The following ANXA13 variants were observed in gnomAD, a reference collection of about 807,000 sequenced individuals.
The protein encoded by ANXA13 is annexin XIII.
ANXA13 carries 36 observed loss-of-function variants against 46.6 expected under a neutral mutation model. That is an observed-to-expected ratio of 0.77 (90% CI 0.59 to 1.02). ANXA13 has a LOEUF of 1.02. ANXA13 is among the 50% of genes least tolerant of loss of function. The pLI is 0.00. For missense variants in ANXA13, 417 were observed against 396.5 expected (o/e 1.05, Z -0.44); for synonymous variants, 163 against 152.9 (o/e 1.07, Z -0.49).
intron 10 of ANXA13, among the ~76,000 whole-genome samples, chr8:123,681,619 CTTTTTTT>C (rs5894670): frequency 3.7e-5 from 4 of 107,038 alleles, no homozygotes; most frequent in East Asian, 2.5e-4. Flanking sequence ...TCTTGAATTT[CTTTTTTT>C]TTTTTTTTTT....
At chr8:123,693,446 C>A in intron 7 of ANXA13, 148 bp from the exon 8 acceptor site, 1 of 741,066 alleles carries the variant, frequency 1.3e-6, no homozygotes, top group Non-Finnish European at 2.2e-6. Context: ...TTCTAACCCA[C>A]AAATGTATTT....
chr8:123,722,519 C>T (rs1381303400), intron 1 of ANXA13, among the ~76,000 whole-genome samples: 3 of 152,022 alleles, frequency 2.0e-5, no homozygotes, highest in South Asian at 2.1e-4. Context: ...TAAATATTCT[C>T]GATGATGAGA....
chr8:123,712,418 T>G, intron 2 of ANXA13: 1 of 516,502 alleles, frequency 1.9e-6, no homozygotes, highest in South Asian at 2.1e-5. Flanking sequence ...GCACTTCTCA[T>G]GAAGTTTCTC....
intron 9 of ANXA13, among the ~76,000 whole-genome samples, chr8:123,687,320 T>G (rs1473523674): frequency 6.6e-6 from 1 of 152,196 alleles, no homozygotes; most frequent in African/African-American, 2.4e-5. Context: ...TACTCAAGAC[T>G]CTTCTTAATT....
chr8:123,708,924 G>A (rs1157738766), intron 2 of ANXA13, among the ~76,000 whole-genome samples: 1 of 152,154 alleles, frequency 6.6e-6, no homozygotes, highest in Admixed American at 6.5e-5. Context: ...TCTCTCCTAA[G>A]GACACTTGTC....
chr8:123,724,255 G>C (rs745390608), intron 1 of ANXA13, among the ~76,000 whole-genome samples: 1 of 152,130 alleles, frequency 6.6e-6, no homozygotes, highest in African/African-American at 2.4e-5. Context: ...TAGAGTTTGG[G>C]GCTCTTAGAA....
At chr8:123,717,476 C>T (rs1048916154) in intron 1 of ANXA13, among the ~76,000 whole-genome samples, 5 of 152,158 alleles carry the variant, frequency 3.3e-5, no homozygotes, top group African/African-American at 1.2e-4. Flanking sequence ...AACATATGTA[C>T]CATATGTAGA....
intron 2 of ANXA13, among the ~76,000 whole-genome samples, chr8:123,710,804 G>C (rs759105802): frequency 1.4e-4 from 22 of 151,868 alleles, no homozygotes; most frequent in Non-Finnish European, 2.8e-4. Flanking sequence ...GTAAGAACTT[G>C]ATGAGATTTT....
At position 123,737,104 on chromosome 8, in the gene ANXA13, G is replaced by T. The variant is rs1002388780; in HGVS notation, c.15+216C>A. ...TCAAACTCCTGACCTCAAGTAATCCGCCCACTCTGGCCTTGCAAAGTGCTG... is the reference window on the plus strand; with the variant it reads ...TCAAACTCCTGACCTCAAGTAATCCTCCCACTCTGGCCTTGCAAAGTGCTG... On this transcript the variant is annotated intron_variant, in intron 1 of 10. Coordinates refer to ENST00000419625, the MANE Select transcript of ANXA13 (RefSeq NM_004306.4). Among the ~76,000 whole-genome samples the T allele has an allele frequency of 2.7e-5, 4 of 150,796 alleles. No homozygotes were observed. The South Asian group carries it at 6.3e-4, about 24-fold the overall frequency.
rs575702918 is a variant in ANXA13, at chr8:123,685,920, C to G, written c.719-1198G>C. Among the ~76,000 whole-genome samples the G allele has an allele frequency of 1.7e-4, 26 of 152,324 alleles. No individual in the cohort carries two copies. The East Asian group carries it at 4.1e-3, about 24-fold the overall frequency. ...TCCCCAGACAATTTGAGCTAATGAGCACCACAAAGTTTTCCTGAAAATCCT... is the reference window on the plus strand; with the variant it reads ...TCCCCAGACAATTTGAGCTAATGAGGACCACAAAGTTTTCCTGAAAATCCT... On this transcript the variant is annotated intron_variant, in intron 9 of 10. Coordinates refer to ENST00000419625, the MANE Select transcript of ANXA13 (RefSeq NM_004306.4).
At chr8:123,682,914 G>C (rs775658865) in intron 10 of ANXA13, among the ~76,000 whole-genome samples, 8 of 152,186 alleles carry the variant, frequency 5.3e-5, no homozygotes, top group African/African-American at 1.9e-4. Flanking sequence ...CACTCCGTGG[G>C]CCATGTCGGA....
intron 3 of ANXA13, among the ~76,000 whole-genome samples, chr8:123,700,819 C>G (rs1164873313): frequency 2.0e-5 from 3 of 149,748 alleles, no homozygotes; most frequent in Admixed American, 6.7e-5. Context: ...CTCTCTTTTT[C>G]TTTTCTTTTC....
At chr8:123,701,496 A>C (rs75177136) in intron 3 of ANXA13, among the ~76,000 whole-genome samples, 3,714 of 152,244 alleles carry the variant, frequency 0.024, 163 homozygotes, top group African/African-American at 0.082. Flanking sequence ...ACAACAACAA[A>C]AAAAACCACA....
intron 2 of ANXA13, among the ~76,000 whole-genome samples, chr8:123,709,051 T>G (rs1813602176): frequency 6.6e-6 from 1 of 152,176 alleles, no homozygotes; most frequent in Non-Finnish European, 1.5e-5. Flanking sequence ...TCTGGGGGGA[T>G]ATATTTTTGG....
intron 3 of ANXA13, 135 bp downstream of exon 3, chr8:123,702,507 G>A: frequency 3.0e-6 from 2 of 677,620 alleles, no homozygotes; most frequent in Non-Finnish European, 5.1e-6. Context: ...ATGCTTTTAA[G>A]TGGTTATTTC....
intron 10 of ANXA13, among the ~76,000 whole-genome samples, 176 bp from the exon 11 acceptor site, chr8:123,681,535 C>A (rs1198478373): frequency 1.3e-5 from 2 of 151,782 alleles, no homozygotes; most frequent in African/African-American, 4.8e-5. Flanking sequence ...ATTTTGTGAT[C>A]AGGAAAGGGA....
intron 1 of ANXA13, among the ~76,000 whole-genome samples, chr8:123,722,395 A>T (rs1813900932): frequency 6.8e-6 from 1 of 146,724 alleles, no homozygotes; most frequent in Non-Finnish European, 1.5e-5. Context: ...AGAAAGAAAG[A>T]AAAGCTCAGT....
At chr8:123,713,237 T>C (rs1813694307) in intron 1 of ANXA13, among the ~76,000 whole-genome samples, 2 of 152,098 alleles carry the variant, frequency 1.3e-5, no homozygotes, top group Admixed American at 6.6e-5. Flanking sequence ...ACATATTTGG[T>C]TTGTTGGAGA....
rs1373346272 is a variant in ANXA13 at position 123,690,749 on chromosome 8, G to C, written c.643-1803C>G. 6.6e-6 allele frequency among the ~76,000 whole-genome samples: 1 copy of C among 152,254 alleles called. No individual in the cohort carries two copies. Among genetic ancestry groups the C allele is most frequent in the African/African-American group, 2.4e-5 (1 of 41,474 alleles). ...CAATGCCTGCAGGGAGGTTATTAGAGGAGCAGGGGAGACATTTCTTTCTTT... is the reference window on the plus strand; with the variant it reads ...CAATGCCTGCAGGGAGGTTATTAGACGAGCAGGGGAGACATTTCTTTCTTT... On this transcript the variant is annotated intron_variant, in intron 8 of 10. Transcript: ENST00000419625. The surrounding 1 kb of genome is among the most constrained non-coding windows in gnomAD (Gnocchi z 4.6).
Sources: gnomAD v4.1 joint callset for allele counts (sites outside exome capture counted in the v4.1 genomes callset) on GRCh38, gnomAD v4.1.1 for gene constraint, Gnocchi (gnomAD v3.1) non-coding constraint, MANE v1.5 for transcripts, NCBI Gene and HGNC (gene_info 2026-07-23, HGNC 2026-07-21) for gene names.